Variants in ZNF488 observed in about 807,000 individuals in gnomAD.
ZNF488 encodes zinc finger protein 488.
In ZNF488, 1 loss-of-function variant was observed where a neutral mutation model predicts 1.2. The ratio of observed to expected loss-of-function variants is 0.86; its 90% CI spans 0.30 to 4.07. The LOEUF (loss-of-function observed/expected upper bound fraction) is 4.07. Among genes scored for constraint, ZNF488 ranks in the 30% most tolerant of loss-of-function variants. ZNF488 has a pLI of 0.18. For synonymous variants in ZNF488, 185 were observed against 190.1 expected (o/e 0.97, Z 0.22); for missense variants, 450 against 437.9 (o/e 1.03, Z -0.25).
chr10:47,378,071 G>GCCCTGC (rs1241947503), intron 1 of ZNF488, among the ~76,000 whole-genome samples: 1 of 152,154 alleles, frequency 6.6e-6, no homozygotes, highest in Admixed American at 6.5e-5. Flanking sequence ...CCACCACCTG[G>GCCCTGC]CCCTGCCCCT....
intron 1 of ZNF488, among the ~76,000 whole-genome samples, chr10:47,378,290 T>C (rs781898313): frequency 6.6e-6 from 1 of 152,192 alleles, no homozygotes; most frequent in African/African-American, 2.4e-5. Context: ...ACTGACCACA[T>C]GTAAAGGTGG....
rs901831074 is a variant in ZNF488 at position 47,384,250 on chromosome 10, T to C, written c.-139A>G. The C allele has an allele frequency of 3.3e-5, 5 of 152,384 alleles. No individual in the cohort carries two copies. The highest frequency in any genetic ancestry group is 1.2e-4 in the African/African-American group (5 of 41,526). 9.4% of individuals were successfully genotyped at this position (152,384 alleles called of 1,614,324 possible). Reference sequence around the variant, plus strand: ...CTCTCTGGAGATGTGGAGCAAGAGGTGCTGGTGCAGCACAGCCTCCTCCCG... The same window carrying C: ...CTCTCTGGAGATGTGGAGCAAGAGGCGCTGGTGCAGCACAGCCTCCTCCCG... On this transcript the variant is annotated 5_prime_UTR_variant, in exon 1 of 2. Transcript: ENST00000585316.
intron 1 of ZNF488, among the ~76,000 whole-genome samples, chr10:47,374,913 G>T (rs893653666): frequency 6.6e-6 from 1 of 152,222 alleles, no homozygotes; most frequent in Non-Finnish European, 1.5e-5. Context: ...AAAAGAGTCT[G>T]GGAAACATGG....
chr10:47,377,159 T>C (rs551974600), intron 1 of ZNF488, among the ~76,000 whole-genome samples: 2 of 152,108 alleles, frequency 1.3e-5, no homozygotes, highest in African/African-American at 4.8e-5. Context: ...TTGCCCCAGG[T>C]TTTTAAACCA....
At position 47,367,756 on chromosome 10, in the gene ZNF488, C is replaced by A. The variant is rs1565774963; in HGVS notation, c.*51G>T. 1 of 1,556,042 alleles carries A rather than the reference C, an allele frequency of 6.4e-7. No homozygotes were observed. The highest frequency in any genetic ancestry group is 8.7e-7 in the Non-Finnish European group (1 of 1,152,610). On this transcript the variant is annotated 3_prime_UTR_variant, in exon 2 of 2. Transcript: ENST00000585316. ...CTCAACGCAGGCCCAGGGAGCCCCC[C>A]TCTGCCAAAGGCTGGCTGCTGCACC...
At position 47,368,276 on chromosome 10, in the gene ZNF488, G is replaced by T. The variant is rs781874964; in HGVS notation, c.554C>A (p.Ser185Tyr). The T allele has an allele frequency of 1.5e-5, 25 of 1,614,126 alleles. No individual in the cohort carries two copies. The highest frequency in any genetic ancestry group is 2.5e-6 in the Non-Finnish European group (3 of 1,180,056). The change falls in exon 2 of 2, where the codon TCT (serine) becomes TAT (tyrosine). Residue 185 changes from serine (S) to tyrosine (Y), a missense_variant. Transcript: ENST00000585316. ...AGACAGCTCCCCCAGGGCATCTGCA[G>T]ATTCCCCTGCAGGGAAGACTGAGGT... ...ELTSVFPAGE[S>Y]ADALGELSGL...
At position 47,380,471 on chromosome 10, in the gene ZNF488, G is replaced by A. The variant is rs1207311905; in HGVS notation, c.-109+3749C>T. On this transcript the variant is annotated intron_variant, in intron 1 of 1. Transcript: ENST00000585316. ...GCCTGGCCTTCCCCACCAACACAGA[G>A]CACATCTCCCAAAGGCTTCCAACCA... 2.0e-5 allele frequency among the ~76,000 whole-genome samples: 3 copies of A among 152,398 alleles called. No individual in the cohort carries two copies. The East Asian group carries it at 5.8e-4, about 29-fold the overall frequency.
chr10:47,368,762 C>A lies in ZNF488; in HGVS notation c.68G>T (p.Gly23Val). 1 of 1,612,858 alleles carries A rather than the reference C, an allele frequency of 6.2e-7. No individual in the cohort carries two copies. The change falls in exon 2 of 2, where the codon GGA (glycine) becomes GTA (valine). Residue 23 changes from glycine (G) to valine (V), a missense_variant. Gly to Val is a moderately radical substitution (Grantham distance 109). Transcript: ENST00000585316. ...TTCAGCCGATGGGCTCAACGGGGCT[C>A]CCTTCCCAGCTGCCATGGTGATCAC... ...ALVITMAAGK[G>V]APLSPSAENR...
At chr10:47,377,530 CAAT>C (rs1378645880) in intron 1 of ZNF488, among the ~76,000 whole-genome samples, 5 of 151,590 alleles carry the variant, frequency 3.3e-5, no homozygotes, top group African/African-American at 1.2e-4. Context: ...TCTCACAGAA[CAAT>C]AACAATCAAA....
chr10:47,372,805 G>T (rs967631551), intron 1 of ZNF488, among the ~76,000 whole-genome samples: 1 of 152,186 alleles, frequency 6.6e-6, no homozygotes, highest in South Asian at 2.1e-4. Flanking sequence ...GATGCCTGCC[G>T]CAGTGAGATG....
At chr10:47,375,748 T>G (rs1253123200) in intron 1 of ZNF488, among the ~76,000 whole-genome samples, 1 of 152,222 alleles carries the variant, frequency 6.6e-6, no homozygotes, top group Non-Finnish European at 1.5e-5. Context: ...AAATCCATGT[T>G]GCAGCTACAT....
At chr10:47,379,859 G>A (rs1419828429) in intron 1 of ZNF488, among the ~76,000 whole-genome samples, 4 of 152,222 alleles carry the variant, frequency 2.6e-5, no homozygotes, top group Non-Finnish European at 5.9e-5. Context: ...GCTATACCCT[G>A]GCCAGGGCAT....
In ZNF488 at chr10:47,368,861, G is replaced by A. The variant is rs1837352527; in HGVS notation, c.-32C>T. On this transcript the variant is annotated 5_prime_UTR_variant, in exon 2 of 2. Coordinates refer to ENST00000585316, the MANE Select transcript of ZNF488 (RefSeq NM_153034.4). ...GTCTTTGGGGGTTTGGGGTTCTGGA[G>A]GGCTTGGCCCAGCAAGGAGCCATGA... 2.6e-6 allele frequency: 4 copies of A among 1,547,506 alleles called. No individual in the cohort carries two copies. The highest frequency in any genetic ancestry group is 3.5e-6 in the Non-Finnish European group (4 of 1,149,272).
chr10:47,382,713 T>C (rs1190905529), intron 1 of ZNF488, among the ~76,000 whole-genome samples: 1 of 152,268 alleles, frequency 6.6e-6, no homozygotes, highest in Non-Finnish European at 1.5e-5. Flanking sequence ...ATTCTTTCAC[T>C]GAACACACTG....
At chr10:47,382,808 G>C (rs1838028153) in intron 1 of ZNF488, among the ~76,000 whole-genome samples, 1 of 152,144 alleles carries the variant, frequency 6.6e-6, no homozygotes, top group South Asian at 2.1e-4. Flanking sequence ...TCAATCAAAA[G>C]TAAATTAGTT....
At chr10:47,377,671 T>A (rs1436756438) in intron 1 of ZNF488, among the ~76,000 whole-genome samples, 17 of 104,948 alleles carry the variant, frequency 1.6e-4, no homozygotes, top group Non-Finnish European at 2.2e-4. Flanking sequence ...GCAATAACAA[T>A]CACACACACA....
chr10:47,373,858 GGCCC>G (rs1189692427), intron 1 of ZNF488, among the ~76,000 whole-genome samples: 1 of 152,204 alleles, frequency 6.6e-6, no homozygotes, highest in East Asian at 1.9e-4. Flanking sequence ...GAGGAAGGAC[GGCCC>G]AGCAGGCCTT....
intron 1 of ZNF488, among the ~76,000 whole-genome samples, chr10:47,376,219 C>T (rs1052524157): frequency 9.9e-5 from 15 of 152,074 alleles, no homozygotes; most frequent in Admixed American, 6.6e-5. Context: ...GCCTGGGGTG[C>T]CTGAGGAATG....
intron 1 of ZNF488, among the ~76,000 whole-genome samples, chr10:47,376,466 C>T (rs1189600480): frequency 3.9e-5 from 6 of 152,052 alleles, no homozygotes; most frequent in South Asian, 2.1e-4. Flanking sequence ...TCAACCCTGC[C>T]GAGGGAGGTA....
Sources: allele counts gnomAD v4.1 joint callset (sites outside exome capture counted in the v4.1 genomes callset), GRCh38; gene constraint gnomAD v4.1.1; transcripts MANE v1.5; gene names NCBI Gene and HGNC (gene_info 2026-07-23, HGNC 2026-07-21).